Variants in PTPN3 observed in about 807,000 individuals in gnomAD.
PTPN3 encodes protein tyrosine phosphatase non-receptor type 3, also known as tyrosine-protein phosphatase non-receptor type 3.
Under a neutral mutation model 132.7 loss-of-function variants are expected in PTPN3, and 96 were observed. The ratio of observed to expected loss-of-function variants is 0.72; its 90% CI spans 0.61 to 0.86. The LOEUF (loss-of-function observed/expected upper bound fraction) is 0.86, where lower values mean the gene tolerates loss of function less well. Among genes scored for constraint, PTPN3 ranks in the 40% least tolerant of loss-of-function variants. The pLI, the probability that PTPN3 is intolerant of heterozygous loss-of-function variation, is 0.00. For missense variants in PTPN3, 1,125 were observed against 1,159.6 expected (o/e 0.97, Z 0.43); for synonymous variants, 398 against 429.0 (o/e 0.93, Z 0.89).
At chr9:109,399,660 GA>G (rs370091526) in intron 19 of PTPN3, among the ~76,000 whole-genome samples, 3,643 of 137,598 alleles carry the variant, frequency 0.026, 128 homozygotes, top group African/African-American at 0.083. Flanking sequence ...TTCCCTTTAT[GA>G]AAAAAAAAAA....
chr9:109,442,526 A>G (rs1204382187), intron 7 of PTPN3, among the ~76,000 whole-genome samples: 2 of 152,206 alleles, frequency 1.3e-5, no homozygotes, highest in Non-Finnish European at 2.9e-5. Context: ...CAACTTCTTT[A>G]GCCCCCATTC....
chr9:109,410,370 C>T lies in PTPN3; in HGVS notation c.1359G>A (p.Lys453=). 6.2e-7 allele frequency: 1 copy of T among 1,614,172 alleles called. No individual in the cohort carries two copies. The highest frequency in any genetic ancestry group is 1.6e-4 in the Middle Eastern group (1 of 6,062). The change falls in exon 15 of 26, where the codon AAG becomes AAA. Residue 453 remains lysine, a synonymous_variant. Coordinates refer to ENST00000374541, the MANE Select transcript of PTPN3 (RefSeq NM_002829.4). The stretch of plus-strand genomic sequence containing the variant: ...AAGATGGAGACACAGAACTGGATGA[C>T]TTCTGGGTCAGGTAGCTTTGTGCCG... ...NNPAQSYLTQ[K]SSSSVSPSSN...
the PTPN3 span, among the ~76,000 whole-genome samples, chr9:109,535,946 C>T: frequency 4.6e-5 from 7 of 152,084 alleles, no homozygotes; most frequent in Non-Finnish European, 8.8e-5. Flanking sequence ...GTTGTGCAAC[C>T]GTCACTACTG....
intron 21 of PTPN3, among the ~76,000 whole-genome samples, chr9:109,389,678 A>G (rs1839901513): frequency 6.6e-6 from 1 of 152,232 alleles, no homozygotes. Context: ...TATCCTAAAT[A>G]TAATCAATAT....
Position 109,379,647 on chromosome 9 carries a change from A to T in PTPN3, c.2665-14T>A, listed in dbSNP as rs373020883. 9.3e-6 allele frequency: 15 copies of T among 1,607,696 alleles called. No individual in the cohort carries two copies. Among genetic ancestry groups the T allele is most frequent in the Non-Finnish European group, 1.3e-5 (15 of 1,174,216 alleles). On this transcript the variant is annotated splice_polypyrimidine_tract_variant and intron_variant, in intron 25 of 25. Transcript: ENST00000374541. ...CTTGTACTGGCTCTGGAAAAGAAAAAAATGCTGTCAAGTCCTGTAGCTCCA... is the reference window on the plus strand; with the variant it reads ...CTTGTACTGGCTCTGGAAAAGAAAATAATGCTGTCAAGTCCTGTAGCTCCA...
intron 14 of PTPN3, chr9:109,417,756 C>T (rs1842630098): frequency 1.0e-6 from 1 of 985,326 alleles, no homozygotes; most frequent in Admixed American, 6.1e-5. Context: ...TAACTTGACC[C>T]CCTGACATGT....
At chr9:109,436,032 G>A (rs1260134834) in intron 9 of PTPN3, among the ~76,000 whole-genome samples, 2 of 152,146 alleles carry the variant, frequency 1.3e-5, no homozygotes, top group Non-Finnish European at 1.5e-5. Flanking sequence ...TCTATAAAAC[G>A]GGAATAACTA....
chr9:109,401,783 T>C (rs1841133002), intron 19 of PTPN3, among the ~76,000 whole-genome samples: 1 of 152,204 alleles, frequency 6.6e-6, no homozygotes, highest in African/African-American at 2.4e-5. Flanking sequence ...CCATGAGCTT[T>C]GTCTGCATTT....
chr9:109,489,571 T>A (rs575365947), intron 1 of PTPN3, among the ~76,000 whole-genome samples: 1 of 152,144 alleles, frequency 6.6e-6, no homozygotes, highest in Admixed American at 6.5e-5. Flanking sequence ...GGACCCCTTT[T>A]TATTCTCAAA....
chr9:109,403,286 C>T (rs968412860), intron 19 of PTPN3, among the ~76,000 whole-genome samples: 1 of 152,288 alleles, frequency 6.6e-6, no homozygotes, highest in African/African-American at 2.4e-5. Flanking sequence ...ATTACTCATG[C>T]CTTCCTCAAT....
chr9:109,514,790 C>G, the PTPN3 span, among the ~76,000 whole-genome samples: 3 of 152,102 alleles, frequency 2.0e-5, no homozygotes, highest in Non-Finnish European at 2.9e-5. Context: ...TTGTGACTTG[C>G]TTTGGCCAAT....
the PTPN3 span, among the ~76,000 whole-genome samples, chr9:109,509,560 G>A: frequency 2.0e-5 from 3 of 152,314 alleles, no homozygotes; most frequent in South Asian, 4.1e-4. Flanking sequence ...AGCACTTACT[G>A]AGAGTGTGAT....
rs1839118968 is a variant in PTPN3, at chr9:109,381,803, A to C, written c.2529-16T>G. On this transcript the variant is annotated splice_polypyrimidine_tract_variant and intron_variant, in intron 24 of 25. Transcript: ENST00000374541. ...TATTCCAGCACTGGAGAGGGGAGAG[A>C]AGACAGACTTGGGATTTGTCTGAGT... 6 of 1,614,036 alleles carry C rather than the reference A, an allele frequency of 3.7e-6. No individual in the cohort carries two copies. The highest frequency in any genetic ancestry group is 5.1e-6 in the Non-Finnish European group (6 of 1,180,008).
intron 1 of PTPN3, among the ~76,000 whole-genome samples, chr9:109,483,895 G>A (rs553559138): frequency 1.4e-4 from 21 of 152,186 alleles, no homozygotes; most frequent in Non-Finnish European, 2.5e-4. Context: ...GCCGCTCAAA[G>A]TGCAGTCTCT....
At chr9:109,526,695 T>A in the PTPN3 span, among the ~76,000 whole-genome samples, 1 of 151,724 alleles carries the variant, frequency 6.6e-6, no homozygotes. Context: ...TAAACAAAAT[T>A]TATGTGAGAG....
intron 7 of PTPN3, among the ~76,000 whole-genome samples, chr9:109,444,352 G>A (rs1460368452): frequency 6.6e-6 from 1 of 152,142 alleles, no homozygotes; most frequent in African/African-American, 2.4e-5. Context: ...ACTTGGAAGG[G>A]AATATACCCT....
intron 1 of PTPN3, among the ~76,000 whole-genome samples, chr9:109,477,442 A>G (rs1339515449): frequency 6.6e-6 from 1 of 152,110 alleles, no homozygotes; most frequent in Admixed American, 6.5e-5. Context: ...GTGTTTCAGC[A>G]AAGTTATTTT....
chr9:109,399,494 C>A (rs537341226), intron 19 of PTPN3, among the ~76,000 whole-genome samples: 10 of 152,244 alleles, frequency 6.6e-5, no homozygotes, highest in Admixed American at 3.9e-4. Flanking sequence ...TTAACAGAGA[C>A]AACATATGTG....
rs539799147 is a variant in PTPN3 at position 109,463,358 on chromosome 9, C to T, written c.77G>A (p.Arg26Gln). ...RTSELPKEKT[R>Q]SEVICSIHFL... is the part of the protein sequence containing the mutation. ...GTGGATGCTGCAAATGACTTCTGAT[C>T]GAGTTTTCTCTTTGGGTAACTCCGA... The change falls in exon 2 of 26, where the codon CGA becomes CAA. Residue 26 changes from arginine to glutamine, a missense_variant. Coordinates refer to ENST00000374541, the MANE Select transcript of PTPN3 (RefSeq NM_002829.4). 6.2e-6 allele frequency: 10 copies of T among 1,613,672 alleles called. No individual in the cohort carries two copies. Among genetic ancestry groups the T allele is most frequent in the South Asian group, 2.2e-5 (2 of 91,014 alleles).
Sources: allele counts gnomAD v4.1 joint callset (sites outside exome capture counted in the v4.1 genomes callset), GRCh38; gene constraint gnomAD v4.1.1; transcripts MANE v1.5; gene names NCBI Gene and HGNC (gene_info 2026-07-23, HGNC 2026-07-21).